The following BCAS3 variants were observed in gnomAD, a reference collection of about 807,000 sequenced individuals.
The protein encoded by BCAS3 is BCAS3 microtubule associated cell migration factor, also known as BCAS4/BCAS3 fusion.
BCAS3 carries 53 observed loss-of-function variants against 116.1 expected under a neutral mutation model. The observed-to-expected ratio is 0.46, with a 90% CI of 0.37 to 0.57. The LOEUF is 0.57. BCAS3 is among the 20% of genes least tolerant of loss of function. The probability of loss-of-function intolerance (pLI) is 0.00; values close to 1 mark genes in which losing one functional copy is unlikely to be tolerated. For synonymous variants in BCAS3, 391 were observed against 408.2 expected, an observed-to-expected ratio of 0.96 and a Z score of 0.51; for missense variants, 917 against 1,165.4, an observed-to-expected ratio of 0.79 and a Z score of 3.10.
intron 6 of BCAS3, among the ~76,000 whole-genome samples, chr17:60,796,107 G>C (rs1275294470): frequency 6.6e-6 from 1 of 152,156 alleles, no homozygotes; most frequent in Non-Finnish European, 1.5e-5. Context: ...ATATCTTTTT[G>C]ATATGTTGTT....
rs2074476427 is a variant in BCAS3, at chr17:61,103,788, GA to G, written c.2425+19228del. On this transcript the variant is annotated intron_variant, in intron 22 of 23. Transcript: ENST00000407086. Reference sequence around the variant, plus strand: ...GATAATCCTGTTTCATCTCTATAAGGAAAAGGCTCTCTCAAGGATGCAGAAA... The same window carrying G: ...GATAATCCTGTTTCATCTCTATAAGGAAAGGCTCTCTCAAGGATGCAGAAA... Among the ~76,000 whole-genome samples the G allele has an allele frequency of 4.6e-5, 7 of 152,174 alleles. No homozygotes were observed. The South Asian group carries it at 1.5e-3, about 32-fold the overall frequency.
At chr17:60,832,263 C>T (rs1568344545) in intron 7 of BCAS3, among the ~76,000 whole-genome samples, 2 of 152,104 alleles carry the variant, frequency 1.3e-5, no homozygotes, top group Non-Finnish European at 2.9e-5. Flanking sequence ...TCTGGCAGGA[C>T]TCTACACATG....
chr17:61,079,763 T>G (rs1251286155), intron 21 of BCAS3, among the ~76,000 whole-genome samples: 1 of 151,946 alleles, frequency 6.6e-6, no homozygotes, highest in Non-Finnish European at 1.5e-5. Flanking sequence ...ACCCAGCTAA[T>G]TTTTGTATTA....
At chr17:61,193,108 A>G (rs926821559) in intron 22 of BCAS3, among the ~76,000 whole-genome samples, 1 of 152,100 alleles carries the variant, frequency 6.6e-6, no homozygotes. Context: ...CTAAAAATAC[A>G]AAAATTAGCT....
rs542555850 is a variant in BCAS3 at position 60,977,279 on chromosome 17, C to G, written c.1222-12692C>G. On this transcript the variant is annotated intron_variant, in intron 14 of 23. Coordinates refer to ENST00000407086, the MANE Select transcript of BCAS3 (RefSeq NM_017679.5). ...ACTGCAGCCTCAAATTCTTGGGCAC[C>G]AGCGATCCTCCCACCTCAGCCTCCC... 2.0e-5 allele frequency among the ~76,000 whole-genome samples: 3 copies of G among 152,170 alleles called. No homozygotes were observed. The South Asian group carries it at 6.2e-4, about 32-fold the overall frequency.
chr17:61,017,547 G>T lies in BCAS3; in HGVS notation c.1637+1646G>T, dbSNP rs2065545350. Among the ~76,000 whole-genome samples, 1 of 152,124 alleles carries T rather than the reference G, an allele frequency of 6.6e-6. No homozygotes were observed. Among genetic ancestry groups the T allele is most frequent in the Non-Finnish European group, 1.5e-5 (1 of 68,014 alleles). ...CCTGGAGTCATAAAAGCATATTCTG[G>T]TGCTTTGTTTCTGGTGCGTGTTTAT... On this transcript the variant is annotated intron_variant, in intron 16 of 23. Transcript: ENST00000407086. The surrounding 1 kb of genome is among the most constrained non-coding windows in gnomAD (Gnocchi z 4.7).
chr17:61,184,408 T>G (rs1230950831), intron 22 of BCAS3, among the ~76,000 whole-genome samples: 1 of 152,134 alleles, frequency 6.6e-6, no homozygotes, highest in Non-Finnish European at 1.5e-5. Flanking sequence ...GAAATGATAC[T>G]GTGTACAACT....
chr17:61,293,263 A>C (rs1227623344), intron 22 of BCAS3, among the ~76,000 whole-genome samples: 4 of 152,196 alleles, frequency 2.6e-5, no homozygotes, highest in Non-Finnish European at 5.9e-5. Context: ...TCATAGTTTC[A>C]TCTTTAGAAG....
intron 22 of BCAS3, among the ~76,000 whole-genome samples, chr17:61,236,590 G>A (rs1261913351): frequency 6.6e-6 from 1 of 152,200 alleles, no homozygotes; most frequent in Non-Finnish European, 1.5e-5. Context: ...AAAGTGCTGG[G>A]ATTACAGGCG....
At chr17:60,840,489 G>C (rs2051803696) in intron 7 of BCAS3, among the ~76,000 whole-genome samples, 1 of 152,090 alleles carries the variant, frequency 6.6e-6, no homozygotes, top group African/African-American at 2.4e-5. Context: ...ATGAATTGTT[G>C]ATCCTATGAT....
At position 61,387,601 on chromosome 17, in the gene BCAS3, G is replaced by T. The variant is rs182491565; in HGVS notation, c.2594-4376G>T. On this transcript the variant is annotated intron_variant, in intron 23 of 23. Transcript: ENST00000407086. This position sits in a 1 kb window ranked among gnomAD's most constrained non-coding sequence, Gnocchi z 6.2. ...CATTCATCATCCCCCTACCCCTGGG[G>T]GCTGTCCATCCTGGCCCAAGGCATA... 1.2e-3 allele frequency among the ~76,000 whole-genome samples: 177 copies of T among 152,264 alleles called. 1 individual carries two copies. Among genetic ancestry groups the T allele is most frequent in the African/African-American group, 4.1e-3 (169 of 41,546 alleles).
rs1169926305 is a variant in BCAS3 at position 61,017,226 on chromosome 17, G to A, written c.1637+1325G>A. ...TGGCTGTGAATAATGAAGAGGTTAT[G>A]TCCTTTATATTCACAATTAGGTTAT... On this transcript the variant is annotated intron_variant, in intron 16 of 23. Transcript: ENST00000407086. This position sits in a 1 kb window ranked among gnomAD's most constrained non-coding sequence, Gnocchi z 4.7. 6.6e-6 allele frequency: 1 copy of A among 152,046 alleles called. No individual in the cohort carries two copies. Among genetic ancestry groups the A allele is most frequent in the Non-Finnish European group, 1.5e-5 (1 of 67,988 alleles). The allele number at this position is 152,046 out of a possible 1,614,324, so 9.4% of individuals were successfully genotyped here.
intron 22 of BCAS3, among the ~76,000 whole-genome samples, chr17:61,133,615 G>A (rs1601489992): frequency 1.3e-5 from 2 of 151,990 alleles, no homozygotes; most frequent in Admixed American, 1.3e-4. Flanking sequence ...TCCCCCTCAA[G>A]TATTGATACA....
chr17:61,166,983 G>A (rs1315562423), intron 22 of BCAS3, among the ~76,000 whole-genome samples: 1 of 152,204 alleles, frequency 6.6e-6, no homozygotes. Context: ...CTGGGCTCAA[G>A]CGATCCTCCC....
At chr17:61,107,953 G>A (rs1279561759) in intron 22 of BCAS3, among the ~76,000 whole-genome samples, 1 of 152,184 alleles carries the variant, frequency 6.6e-6, no homozygotes, top group Admixed American at 6.5e-5. Flanking sequence ...TTTCCATACT[G>A]TCTGTATTAT....
rs773996890 is a variant in BCAS3 at position 61,084,480 on chromosome 17, C to T, written c.2341C>T (p.Arg781Cys). 22 of 1,612,130 alleles carry T rather than the reference C, an allele frequency of 1.4e-5. No individual in the cohort carries two copies. Among genetic ancestry groups the T allele is most frequent in the South Asian group, 4.4e-5 (4 of 90,804 alleles). ...DLNSLRIQPV[R>C]SDPVSMPGSS... ...ATTGCATTGCAGGATCCAGCCAGTCCGCTCTGACCCCGTCAGCATGCCAGG... is the reference window on the plus strand; with the variant it reads ...ATTGCATTGCAGGATCCAGCCAGTCTGCTCTGACCCCGTCAGCATGCCAGG... Residue 781 changes from arginine (R) to cysteine (C), a missense_variant, in exon 22 of 24, where the codon CGC becomes TGC. Physicochemically the swap from Arg to Cys is radical, Grantham distance 180 (BLOSUM62 -3). Coordinates refer to ENST00000407086, the MANE Select transcript of BCAS3 (RefSeq NM_017679.5). The surrounding 1 kb of genome is among the most constrained non-coding windows in gnomAD (Gnocchi z 5.5).
rs116611762 is a variant in BCAS3, at chr17:61,218,294, G to A, written c.2425+133730G>A. Among the ~76,000 whole-genome samples the A allele has an allele frequency of 2.1e-3, 325 of 152,230 alleles. 1 individual carries two copies. The highest frequency in any genetic ancestry group is 7.5e-3 in the African/African-American group (310 of 41,544). On this transcript the variant is annotated intron_variant, in intron 22 of 23. Coordinates refer to ENST00000407086, the MANE Select transcript of BCAS3 (RefSeq NM_017679.5). ...TTAGGTAATGCCCCTTTTCCTAGCC[G>A]AAAGACTGAAGACCGAATTCTCCTA...
At position 61,339,486 on chromosome 17, in the gene BCAS3, G is replaced by C. The variant is rs1445185678; in HGVS notation, c.2426-28841G>C. ...ATCTCAGCATCTAAAGACTGAGGAGGCTGGAAACATTGGCTCAAGCCTGTA... is the reference window on the plus strand; with the variant it reads ...ATCTCAGCATCTAAAGACTGAGGAGCCTGGAAACATTGGCTCAAGCCTGTA... On this transcript the variant is annotated intron_variant, in intron 22 of 23. Transcript: ENST00000407086. This position sits in a 1 kb window ranked among gnomAD's most constrained non-coding sequence, Gnocchi z 4.4. 6.6e-6 allele frequency among the ~76,000 whole-genome samples: 1 copy of C among 152,292 alleles called. No homozygotes were observed. The highest frequency in any genetic ancestry group is 3.4e-3 in the Middle Eastern group (1 of 294).
chr17:60,780,733 G>A (rs1195704414), intron 6 of BCAS3, among the ~76,000 whole-genome samples: 1 of 152,204 alleles, frequency 6.6e-6, no homozygotes, highest in African/African-American at 2.4e-5. Context: ...TCTAAGCTGT[G>A]TTGCAGAGCT....
Sources: allele counts gnomAD v4.1 joint callset (sites outside exome capture counted in the v4.1 genomes callset), GRCh38; gene constraint gnomAD v4.1.1; non-coding constraint Gnocchi (gnomAD v3.1); transcripts MANE v1.5; gene names NCBI Gene and HGNC (gene_info 2026-07-23, HGNC 2026-07-21).